The following GRM7 variants were observed in gnomAD, a reference collection of about 807,000 sequenced individuals.
The protein encoded by GRM7 is glutamate metabotropic receptor 7, also known as metabotropic glutamate receptor 7.
GRM7 carries 35 observed loss-of-function variants against 84.5 expected under a neutral mutation model. The observed-to-expected ratio is 0.41, with a 90% CI of 0.32 to 0.55. The LOEUF (loss-of-function observed/expected upper bound fraction) is 0.55. Among genes scored for constraint, GRM7 ranks in the 20% least tolerant of loss-of-function variants. The pLI, the probability that GRM7 is intolerant of heterozygous loss-of-function variation, is 0.19. For synonymous variants in GRM7, 487 were observed against 455.1 expected (o/e 1.07, Z -0.89); for missense variants, 1,003 against 1,194.6 (o/e 0.84, Z 2.36).
chr3:7,324,513 T>C (rs969439891), intron 4 of GRM7, among the ~76,000 whole-genome samples: 1 of 152,154 alleles, frequency 6.6e-6, no homozygotes, highest in Non-Finnish European at 1.5e-5. Flanking sequence ...TATGGCCTTT[T>C]CAGTGAGTAT....
At chr3:7,105,559 A>G (rs949930196) in intron 1 of GRM7, among the ~76,000 whole-genome samples, 1 of 151,918 alleles carries the variant, frequency 6.6e-6, no homozygotes, top group Admixed American at 6.6e-5. Flanking sequence ...AAATCTTTCT[A>G]AGACTAATAT....
intron 4 of GRM7, among the ~76,000 whole-genome samples, chr3:7,412,210 T>C (rs1259141897): frequency 6.6e-6 from 1 of 152,202 alleles, no homozygotes; most frequent in Non-Finnish European, 1.5e-5. Context: ...ATAGGCTGGT[T>C]GAAATGAAGC....
chr3:6,934,438 A>G lies in GRM7; in HGVS notation c.519+72531A>G, dbSNP rs187270353. 2.3e-4 allele frequency among the ~76,000 whole-genome samples: 35 copies of G among 152,310 alleles called. 1 individual carries two copies. The highest frequency in any genetic ancestry group is 8.4e-4 in the African/African-American group (35 of 41,550). ...CTTCATTACATTAGGAAAGAATAAT[A>G]TTAGAAAACAAAACCAACTAGAGAG... is the stretch of plus-strand genomic sequence containing the variant. On this transcript the variant is annotated intron_variant, in intron 1 of 9. Coordinates refer to ENST00000357716, the MANE Select transcript of GRM7 (RefSeq NM_000844.4).
At chr3:7,698,331 C>T (rs1300709538) in intron 9 of GRM7, among the ~76,000 whole-genome samples, 1 of 152,202 alleles carries the variant, frequency 6.6e-6, no homozygotes, top group African/African-American at 2.4e-5. Flanking sequence ...GGGTTCTTCC[C>T]ATGCACCAGC....
At chr3:7,374,892 G>A (rs1415575829) in intron 4 of GRM7, among the ~76,000 whole-genome samples, 2 of 152,070 alleles carry the variant, frequency 1.3e-5, no homozygotes, top group Admixed American at 1.3e-4. Flanking sequence ...CTGAGTTTGT[G>A]ACCTCATTTG....
chr3:7,721,923 A>G (rs1270684789), intron 9 of GRM7, among the ~76,000 whole-genome samples: 2 of 152,338 alleles, frequency 1.3e-5, no homozygotes, highest in East Asian at 1.9e-4. Flanking sequence ...TCACACTTTC[A>G]CAGAGGTGGA....
At chr3:7,728,098 G>T (rs1489766751) in intron 9 of GRM7, among the ~76,000 whole-genome samples, 1 of 152,122 alleles carries the variant, frequency 6.6e-6, no homozygotes, top group Admixed American at 6.5e-5. Context: ...AACTTAACAG[G>T]ACTTGACTGT....
At chr3:6,965,485 C>T (rs1559356207) in intron 1 of GRM7, among the ~76,000 whole-genome samples, 1 of 151,896 alleles carries the variant, frequency 6.6e-6, no homozygotes, top group Non-Finnish European at 1.5e-5. Flanking sequence ...TGCCACCATG[C>T]CCGGCTAATT....
intron 7 of GRM7, among the ~76,000 whole-genome samples, chr3:7,553,024 C>T (rs897203414): frequency 6.6e-6 from 1 of 152,134 alleles, no homozygotes; most frequent in Non-Finnish European, 1.5e-5. Flanking sequence ...AATTCCAAAC[C>T]ATCTCTTGAA....
At chr3:7,444,546 A>G (rs187413243) in intron 5 of GRM7, among the ~76,000 whole-genome samples, 2 of 152,164 alleles carry the variant, frequency 1.3e-5, no homozygotes, top group Non-Finnish European at 2.9e-5. Flanking sequence ...ACAGATTGGC[A>G]TTACCCACAA....
At chr3:7,533,850 C>T (rs1559385515) in intron 7 of GRM7, among the ~76,000 whole-genome samples, 1 of 152,068 alleles carries the variant, frequency 6.6e-6, no homozygotes. Flanking sequence ...CCATCTCAGC[C>T]TCATAGCCAA....
intron 1 of GRM7, among the ~76,000 whole-genome samples, chr3:7,008,892 C>T (rs1695273328): frequency 6.6e-6 from 1 of 152,110 alleles, no homozygotes; most frequent in Non-Finnish European, 1.5e-5. Context: ...TAAAACACTC[C>T]ACTCCTGTCA....
chr3:7,342,738 G>A (rs745664547), intron 4 of GRM7, among the ~76,000 whole-genome samples: 1 of 152,114 alleles, frequency 6.6e-6, no homozygotes, highest in Non-Finnish European at 1.5e-5. Context: ...ATGCTGATTC[G>A]ACTGGACCAG....
At chr3:7,738,995 G>A (rs985237312) in intron 9 of GRM7, among the ~76,000 whole-genome samples, 6 of 152,054 alleles carry the variant, frequency 3.9e-5, no homozygotes, top group South Asian at 2.1e-4. Flanking sequence ...GAGGACATAC[G>A]GTGACTCAGT....
chr3:7,257,050 A>T (rs1056195025), intron 2 of GRM7, among the ~76,000 whole-genome samples: 4 of 152,160 alleles, frequency 2.6e-5, no homozygotes, highest in Non-Finnish European at 4.4e-5. Context: ...GGATTTTCCC[A>T]TTTCCTGCCT....
chr3:6,998,026 G>T (rs1443791008), intron 1 of GRM7, among the ~76,000 whole-genome samples: 1 of 146,716 alleles, frequency 6.8e-6, no homozygotes, highest in African/African-American at 2.5e-5. Flanking sequence ...GGTTGAGGCA[G>T]GAGAATCACT....
At chr3:7,126,198 G>T (rs1158221506) in intron 1 of GRM7, among the ~76,000 whole-genome samples, 1 of 152,166 alleles carries the variant, frequency 6.6e-6, no homozygotes, top group Non-Finnish European at 1.5e-5. Context: ...GGCCTTAAGT[G>T]AACTTGAATA....
chr3:7,483,445 C>T (rs778871680), intron 7 of GRM7, among the ~76,000 whole-genome samples: 2 of 152,050 alleles, frequency 1.3e-5, no homozygotes, highest in Admixed American at 6.6e-5. Context: ...GCAGAACCCT[C>T]GAGGCCTGGC....
chr3:7,452,455 G>T, intron 5 of GRM7, 152 bp from the exon 6 acceptor site: 1 of 630,788 alleles, frequency 1.6e-6, no homozygotes, highest in Non-Finnish European at 2.8e-6. Flanking sequence ...CTATCACGTG[G>T]TAGGCAAATG....
Sources: allele counts gnomAD v4.1 joint callset (sites outside exome capture counted in the v4.1 genomes callset), GRCh38; gene constraint gnomAD v4.1.1; transcripts MANE v1.5; gene names NCBI Gene and HGNC (gene_info 2026-07-23, HGNC 2026-07-21).